DLGAP1: variants seen among roughly 807,000 people sequenced by gnomAD.
The protein encoded by DLGAP1 is disks large-associated protein 1.
DLGAP1 carries 11 observed loss-of-function variants against 90.8 expected under a neutral mutation model. That is an observed-to-expected ratio of 0.12 (90% confidence interval 0.08 to 0.20). The LOEUF is 0.20. DLGAP1 is among the 10% of genes least tolerant of loss of function. The pLI is 1.00. For synonymous variants in DLGAP1, 558 were observed against 540.7 expected (o/e 1.03, Z -0.44); for missense variants, 1,050 against 1,333.8 (o/e 0.79, Z 3.31).
intron 2 of DLGAP1, among the ~76,000 whole-genome samples, chr18:4,092,660 A>C (rs2075788524): frequency 6.6e-6 from 1 of 152,070 alleles, no homozygotes; most frequent in Non-Finnish European, 1.5e-5. Flanking sequence ...TATCGGCTTA[A>C]GGCTTTTGTT....
intron 3 of DLGAP1, among the ~76,000 whole-genome samples, chr18:3,931,333 C>T (rs1286885018): frequency 5.9e-5 from 9 of 152,108 alleles, no homozygotes; most frequent in Non-Finnish European, 1.0e-4. Context: ...GGAAGGAGCT[C>T]TTCACTCAGT....
At chr18:3,840,335 T>G (rs548781326) in intron 4 of DLGAP1, among the ~76,000 whole-genome samples, 11 of 152,290 alleles carry the variant, frequency 7.2e-5, no homozygotes, top group African/African-American at 2.6e-4. Context: ...GAAACCAAGA[T>G]AGCAGAGCTG....
chr18:4,070,665 T>A (rs777181020), intron 2 of DLGAP1, among the ~76,000 whole-genome samples: 19 of 152,084 alleles, frequency 1.2e-4, no homozygotes, highest in Non-Finnish European at 2.1e-4. Context: ...ATAGAATTCA[T>A]GGCAAGGAGC....
intron 1 of DLGAP1, among the ~76,000 whole-genome samples, chr18:4,356,787 C>G (rs186656424): frequency 1.3e-5 from 2 of 152,142 alleles, no homozygotes; most frequent in African/African-American, 4.8e-5. Context: ...CAAAAAGACC[C>G]TATATATTTT....
intron 3 of DLGAP1, among the ~76,000 whole-genome samples, chr18:3,944,143 G>A (rs544867333): frequency 1.3e-5 from 2 of 152,324 alleles, no homozygotes; most frequent in East Asian, 1.9e-4. Context: ...GTAGTGACGA[G>A]ATGAGATTGA....
rs1158569226 is a variant in DLGAP1, at chr18:3,601,903, G to C, written c.1592-19655C>G. Among the ~76,000 whole-genome samples, 3 of 150,182 alleles carry C rather than the reference G, an allele frequency of 2.0e-5. No individual in the cohort carries two copies. The East Asian group carries it at 5.9e-4, about 29-fold the overall frequency. On this transcript the variant is annotated intron_variant, in intron 7 of 12. Transcript: ENST00000315677. ...GAGTACCTGTAATCCCAGCTACTCA[G>C]GAGGCTGAGGCAGGCGAATCGCTTG...
rs373067948 is a variant in DLGAP1, at chr18:3,525,147, C to T, written c.2479+9047G>A. ...TTTTAAAGAGCAAGTTTTTCAAAAA[C>T]TCAGCTAATTTTAATTTTTTTTTCC... On this transcript the variant is annotated intron_variant, in intron 10 of 12. Coordinates refer to ENST00000315677, the MANE Select transcript of DLGAP1 (RefSeq NM_004746.4). Among the ~76,000 whole-genome samples, 7 of 151,002 alleles carry T rather than the reference C, an allele frequency of 4.6e-5. No homozygotes were observed. In the East Asian group the frequency reaches 9.7e-4, roughly 21 times the overall value.
intron 5 of DLGAP1, among the ~76,000 whole-genome samples, chr18:3,773,020 C>T (rs1392368725): frequency 2.6e-5 from 4 of 152,104 alleles, no homozygotes. Flanking sequence ...AACATTTTTA[C>T]TTGTGCTTTA....
At chr18:3,589,898 C>A (rs1339481430) in intron 7 of DLGAP1, among the ~76,000 whole-genome samples, 1 of 152,104 alleles carries the variant, frequency 6.6e-6, no homozygotes, top group African/African-American at 2.4e-5. Context: ...TCAACAAGCC[C>A]TCAAAAAGAA....
chr18:3,740,061 T>C (rs557521317), intron 6 of DLGAP1, among the ~76,000 whole-genome samples: 1 of 152,176 alleles, frequency 6.6e-6, no homozygotes, highest in Non-Finnish European at 1.5e-5. Flanking sequence ...GCAAGGGTAG[T>C]GTGCTGCTGG....
intron 2 of DLGAP1, among the ~76,000 whole-genome samples, chr18:4,070,341 T>C (rs1051488949): frequency 1.3e-5 from 2 of 152,110 alleles, no homozygotes; most frequent in African/African-American, 4.8e-5. Flanking sequence ...AGTTTTTTGG[T>C]ACCTCCACAG....
At chr18:4,098,416 C>A (rs931787271) in intron 2 of DLGAP1, among the ~76,000 whole-genome samples, 12 of 152,018 alleles carry the variant, frequency 7.9e-5, no homozygotes, top group Non-Finnish European at 1.5e-4. Flanking sequence ...GGCTTTTATA[C>A]CCCAGGAGAT....
At chr18:4,390,810 T>C (rs912283185) in intron 1 of DLGAP1, among the ~76,000 whole-genome samples, 1 of 152,174 alleles carries the variant, frequency 6.6e-6, no homozygotes, top group African/African-American at 2.4e-5. Flanking sequence ...ATAAAAATCA[T>C]AGGCAGTTCT....
intron 3 of DLGAP1, among the ~76,000 whole-genome samples, chr18:3,945,890 G>C (rs1364440407): frequency 2.0e-5 from 3 of 152,164 alleles, no homozygotes; most frequent in Non-Finnish European, 4.4e-5. Context: ...GGGAATAGAT[G>C]CCACTGATAA....
chr18:4,137,526 T>C (rs761600865), intron 2 of DLGAP1, among the ~76,000 whole-genome samples: 16 of 152,222 alleles, frequency 1.1e-4, no homozygotes, highest in Non-Finnish European at 1.8e-4. Context: ...TTTTGGTTAC[T>C]GTAGCTTTGT....
rs187035192 is a variant in DLGAP1, at chr18:4,015,894, C to G, written c.-158-10693G>C. Among the ~76,000 whole-genome samples the G allele has an allele frequency of 1.3e-3, 197 of 152,272 alleles. 1 individual carries two copies. Among genetic ancestry groups the G allele is most frequent in the African/African-American group, 3.5e-3 (147 of 41,548 alleles). On this transcript the variant is annotated intron_variant, in intron 2 of 12. Coordinates refer to ENST00000315677, the MANE Select transcript of DLGAP1 (RefSeq NM_004746.4). The stretch of plus-strand genomic sequence containing the variant: ...CTGTTGAGCTAACAATTCTTACAAG[C>G]CACTCCAAATTCTTTGTGGAACAAA...
At chr18:4,294,233 G>A (rs1033777449) in intron 1 of DLGAP1, 10 of 152,166 alleles carry the variant, frequency 6.6e-5, no homozygotes, top group Non-Finnish European at 1.5e-4. Flanking sequence ...TTCCAGAGCT[G>A]ACCACACTTG....
At chr18:4,015,278 T>C (rs1222954488) in intron 2 of DLGAP1, among the ~76,000 whole-genome samples, 1 of 152,086 alleles carries the variant, frequency 6.6e-6, no homozygotes, top group African/African-American at 2.4e-5. Context: ...TAGGCTTCAG[T>C]TTTTGCCATC....
intron 1 of DLGAP1, among the ~76,000 whole-genome samples, chr18:4,250,507 C>T (rs2078758225): frequency 6.6e-6 from 1 of 152,168 alleles, no homozygotes; most frequent in African/African-American, 2.4e-5. Context: ...CCTCGTGTTT[C>T]ATTAAGTTCC....
Sources: allele counts gnomAD v4.1 joint callset (sites outside exome capture counted in the v4.1 genomes callset), GRCh38; gene constraint gnomAD v4.1.1; transcripts MANE v1.5; gene names NCBI Gene and HGNC (gene_info 2026-07-23, HGNC 2026-07-21).